PCDHGB7: variants seen among roughly 807,000 people sequenced by gnomAD.
The protein encoded by PCDHGB7 is protocadherin gamma-B7.
Under a neutral mutation model 61.4 loss-of-function variants are expected in PCDHGB7, and 37 were observed. The ratio of observed to expected loss-of-function variants is 0.60; its 90% CI spans 0.46 to 0.79. The LOEUF (loss-of-function observed/expected upper bound fraction) is 0.79, where lower values mean the gene tolerates loss of function less well. Among genes scored for constraint, PCDHGB7 ranks in the 30% least tolerant of loss-of-function variants. The probability of loss-of-function intolerance (pLI) is 0.00; values close to 1 mark genes in which losing one functional copy is unlikely to be tolerated. For missense variants in PCDHGB7, 1,166 were observed against 1,202.5 expected, an observed-to-expected ratio of 0.97 and a Z score of 0.45; for synonymous variants, 464 against 503.5, an observed-to-expected ratio of 0.92 and a Z score of 1.05.
At chr5:141,443,792 A>G (rs540226154) in intron 1 of PCDHGB7, among the ~76,000 whole-genome samples, 67 of 152,366 alleles carry the variant, frequency 4.4e-4, no homozygotes, top group African/African-American at 1.4e-3. Flanking sequence ...AAAAAAAATG[A>G]AAAGGAAACA....
chr5:141,484,716 G>C (rs1375103858), intron 1 of PCDHGB7, among the ~76,000 whole-genome samples: 1 of 152,030 alleles, frequency 6.6e-6, no homozygotes, highest in African/African-American at 2.4e-5. Context: ...CGCCGAAAAG[G>C]GGCGGGGTCA....
chr5:141,429,390 A>T (rs556289214), intron 1 of PCDHGB7, among the ~76,000 whole-genome samples: 3,394 of 150,296 alleles, frequency 0.023, 54 homozygotes, highest in South Asian at 0.043. Context: ...TTTTTTTTAA[A>T]AAAAATTGAG....
intron 1 of PCDHGB7, among the ~76,000 whole-genome samples, chr5:141,459,789 G>A (rs960868607): frequency 6.6e-6 from 1 of 152,206 alleles, no homozygotes; most frequent in Non-Finnish European, 1.5e-5. Context: ...AGTTTCAACT[G>A]TTTTTCCCTG....
intron 1 of PCDHGB7, chr5:141,422,844 G>A: frequency 6.2e-7 from 1 of 1,614,238 alleles, no homozygotes; most frequent in Non-Finnish European, 8.5e-7. Context: ...GTGACAGCGG[G>A]GACCCGCCCC....
chr5:141,431,066 CAATT>C lies in PCDHGB7; in HGVS notation c.2415+10795_2415+10798del, dbSNP rs762972663. ...GCTCTGTATGGGGGCCATCAAGTGT[CAATT>C]AAATCTAGACATTCTGATGGAGGAT... On this transcript the variant is annotated intron_variant, in intron 1 of 3. Transcript: ENST00000398594. This position sits in a 1 kb window ranked among gnomAD's most constrained non-coding sequence, Gnocchi z 4.8. 9 of 1,614,042 alleles carry C rather than the reference CAATT, an allele frequency of 5.6e-6. No individual in the cohort carries two copies. The East Asian group carries it at 2.0e-4, about 36-fold the overall frequency.
rs1427742903 is a variant in PCDHGB7 at position 141,477,916 on chromosome 5, A to G, written c.2416-16891A>G. On this transcript the variant is annotated intron_variant, in intron 1 of 3. Coordinates refer to ENST00000398594, the MANE Select transcript of PCDHGB7 (RefSeq NM_018927.4). This position sits in a 1 kb window ranked among gnomAD's most constrained non-coding sequence, Gnocchi z 4.9. ...GGGTGGTAGGCTGGGACGCGGATGC[A>G]GGGCACAATGCCTGGCTCTCCTACA... The G allele has an allele frequency of 1.2e-6, 2 of 1,614,042 alleles. No homozygotes were observed. The highest frequency in any genetic ancestry group is 2.7e-5 in the African/African-American group (2 of 74,932).
rs539038497 is a variant in PCDHGB7 at position 141,420,464 on chromosome 5, C to T, written c.2415+190C>T. 2.0e-4 allele frequency: 164 copies of T among 801,490 alleles called. 1 individual carries two copies. In the South Asian group the frequency reaches 6.4e-3, roughly 31 times the overall value. 49.6% of individuals were successfully genotyped at this position (801,490 alleles called of 1,614,324 possible). ...CCTCAGTCTTCCTACTATTCAAAGA[C>T]ATTTTAAAGCAAACTACATGGGTAA... On this transcript the variant is annotated intron_variant, in intron 1 of 3. Transcript: ENST00000398594.
intron 1 of PCDHGB7, among the ~76,000 whole-genome samples, chr5:141,457,938 G>A (rs915640623): frequency 6.6e-6 from 1 of 152,160 alleles, no homozygotes; most frequent in African/African-American, 2.4e-5. Flanking sequence ...GCTTTTATTG[G>A]CTCTGCATGT....
chr5:141,473,382 C>A (rs780229708), intron 1 of PCDHGB7, among the ~76,000 whole-genome samples: 12 of 152,190 alleles, frequency 7.9e-5, no homozygotes, highest in Non-Finnish European at 1.8e-4. Context: ...TGGTCCCTGC[C>A]CTCCTGGAGC....
rs2096322774 is a variant in PCDHGB7, at chr5:141,419,075, A to C, written c.1216A>C (p.Thr406Pro). Reference sequence around the variant, plus strand: ...TTCTAATAATTACTACAAGCTAGTAACAGATGAGGCCCTGGATCGGGAGCA... The same window carrying C: ...TTCTAATAATTACTACAAGCTAGTACCAGATGAGGCCCTGGATCGGGAGCA... Reference protein sequence around the residue: ...SSSNNYYKLVTDEALDREQTP... With the variant: ...SSSNNYYKLVPDEALDREQTP... Residue 406 changes from threonine to proline, a missense_variant, in exon 1 of 4, where the codon ACA becomes CCA. Physicochemically the swap from Thr to Pro is conservative, Grantham distance 38. Transcript: ENST00000398594. The C allele has an allele frequency of 1.9e-6, 3 of 1,613,968 alleles. No individual in the cohort carries two copies. Among genetic ancestry groups the C allele is most frequent in the South Asian group, 1.1e-5 (1 of 91,090 alleles).
intron 2 of PCDHGB7, among the ~76,000 whole-genome samples, chr5:141,497,543 T>C (rs896069181): frequency 4.7e-5 from 7 of 149,068 alleles, no homozygotes; most frequent in Non-Finnish European, 9.0e-5. Context: ...AACAAACCTT[T>C]TTTTTTTTTT....
chr5:141,491,871 C>T lies in PCDHGB7; in HGVS notation c.2416-2936C>T, dbSNP rs1222191027. 2.1e-6 allele frequency: 3 copies of T among 1,451,434 alleles called. No individual in the cohort carries two copies. Among genetic ancestry groups the T allele is most frequent in the Non-Finnish European group, 2.7e-6 (3 of 1,098,418 alleles). 89.9% of individuals were successfully genotyped at this position (1,451,434 alleles called of 1,614,324 possible). ...ACCGTTTGCGCGAAACCAGAGTGGC[C>T]GATTAAGGGATGGGGCTCCGAGCAC... On this transcript the variant is annotated intron_variant, in intron 1 of 3. Transcript: ENST00000398594. The surrounding 1 kb of genome is among the most constrained non-coding windows in gnomAD (Gnocchi z 6.9).
intron 1 of PCDHGB7, among the ~76,000 whole-genome samples, chr5:141,453,510 T>C (rs11958830): frequency 0.2 from 30,607 of 152,026 alleles, 3,435 homozygotes; most frequent in African/African-American, 0.31. Flanking sequence ...AAAATTGTCA[T>C]TCCTCCCCTA....
At position 141,491,872 on chromosome 5, in the gene PCDHGB7, G is replaced by A; in HGVS notation, c.2416-2935G>A. On this transcript the variant is annotated intron_variant, in intron 1 of 3. Transcript: ENST00000398594. The surrounding 1 kb of genome is among the most constrained non-coding windows in gnomAD (Gnocchi z 6.9). ...CCGTTTGCGCGAAACCAGAGTGGCCGATTAAGGGATGGGGCTCCGAGCACC... is the reference window on the plus strand; with the variant it reads ...CCGTTTGCGCGAAACCAGAGTGGCCAATTAAGGGATGGGGCTCCGAGCACC... 6.9e-7 allele frequency: 1 copy of A among 1,452,190 alleles called. No individual in the cohort carries two copies. The highest frequency in any genetic ancestry group is 9.1e-7 in the Non-Finnish European group (1 of 1,098,644). The allele number at this position is 1,452,190 out of a possible 1,614,324, so 90.0% of individuals were successfully genotyped here.
At chr5:141,478,720 G>T (rs2154576937) in intron 1 of PCDHGB7, 1 of 1,543,694 alleles carries the variant, frequency 6.5e-7, no homozygotes, top group Admixed American at 2.0e-5. Context: ...ATGGTGGCCT[G>T]CCAGAGTGTG....
chr5:141,511,560 T>C lies in PCDHGB7; in HGVS notation c.*387T>C. ...CCACCCCACTCCAACAGTTCCTCTT[T>C]CCCGAGTAAGGTGGTTGGGGTGTTG... On this transcript the variant is annotated 3_prime_UTR_variant, in exon 4 of 4. Coordinates refer to ENST00000398594, the MANE Select transcript of PCDHGB7 (RefSeq NM_018927.4). The C allele has an allele frequency of 3.3e-6, 1 of 298,990 alleles. No homozygotes were observed. The highest frequency in any genetic ancestry group is 3.7e-5 in the South Asian group (1 of 27,250). The allele number at this position is 298,990 out of a possible 1,614,324, so 18.5% of individuals were successfully genotyped here.
chr5:141,492,164 C>T (rs1180358388), intron 1 of PCDHGB7, among the ~76,000 whole-genome samples: 2 of 152,230 alleles, frequency 1.3e-5, no homozygotes, highest in East Asian at 1.9e-4. Context: ...CTCCCTATCC[C>T]CGCATCACCC....
intron 1 of PCDHGB7, among the ~76,000 whole-genome samples, chr5:141,456,968 A>AAAAC (rs202005606): frequency 1.3e-4 from 20 of 152,282 alleles, no homozygotes; most frequent in Middle Eastern, 3.4e-3. Flanking sequence ...ATCTCAAAAC[A>AAAAC]AAACAAACAA....
intron 1 of PCDHGB7, chr5:141,422,303 A>AAAAC: frequency 6.5e-7 from 1 of 1,548,740 alleles, no homozygotes; most frequent in Non-Finnish European, 8.7e-7. Flanking sequence ...TCAATTCTGG[A>AAAAC]AAACTCTCCT....
Sources: gnomAD v4.1 joint callset for allele counts (sites outside exome capture counted in the v4.1 genomes callset) on GRCh38, gnomAD v4.1.1 for gene constraint, Gnocchi (gnomAD v3.1) non-coding constraint, MANE v1.5 for transcripts, NCBI Gene and HGNC (gene_info 2026-07-23, HGNC 2026-07-21) for gene names.